Variants in ATXN8OS observed in about 807,000 individuals in gnomAD.
ATXN8OS encodes the protein ATXN8 opposite strand lncRNA, also known as ATXN8 opposite strand (non-protein coding).
intron 2 of ATXN8OS, among the ~76,000 whole-genome samples, chr13:70,116,013 G>C (rs1888272995): frequency 6.6e-6 from 1 of 152,052 alleles, no homozygotes; most frequent in Non-Finnish European, 1.5e-5. Flanking sequence ...AATCAAGAAA[G>C]AAATCTTCAC....
chr13:70,115,913 A>C (rs1052786564), intron 2 of ATXN8OS, among the ~76,000 whole-genome samples: 6 of 152,116 alleles, frequency 3.9e-5, no homozygotes, highest in African/African-American at 1.4e-4. Flanking sequence ...AAAATTAAGC[A>C]TATATTATGT....
At chr13:70,130,737 A>G (rs1051824274) in intron 3 of ATXN8OS, 1 of 398,492 alleles carries the variant, frequency 2.5e-6, no homozygotes. Context: ...ATAATCCAAG[A>G]CTATTTACGA....
At chr13:70,128,434 G>C (rs941971163) in intron 2 of ATXN8OS, among the ~76,000 whole-genome samples, 1 of 151,944 alleles carries the variant, frequency 6.6e-6, no homozygotes. Context: ...GAATCAAAAG[G>C]CTGAACCCGT....
rs17744936 is a variant in ATXN8OS, at chr13:70,121,215, A to T, written n.398+5917A>T. Among the ~76,000 whole-genome samples, 6 of 152,094 alleles carry T rather than the reference A, an allele frequency of 3.9e-5. No individual in the cohort carries two copies. In the South Asian group the frequency reaches 1.0e-3, roughly 26 times the overall value. On this transcript the variant is annotated intron_variant and non_coding_transcript_variant, in intron 2 of 4. Coordinates refer to ENST00000678624, the Ensembl canonical transcript of ATXN8OS. ...TGAAAAATACAAGGAAATGATCAAC[A>T]TAAGAGCAGGAAACCTCACAAATTA... is the stretch of plus-strand genomic sequence containing the variant.
chr13:70,121,426 G>A (rs1823019671), intron 2 of ATXN8OS, among the ~76,000 whole-genome samples: 1 of 152,066 alleles, frequency 6.6e-6, no homozygotes, highest in Admixed American at 6.6e-5. Flanking sequence ...GTCTTTCAAG[G>A]AGGGAAAGGG....
At chr13:70,122,954 C>T (rs985011854) in intron 2 of ATXN8OS, among the ~76,000 whole-genome samples, 1 of 151,956 alleles carries the variant, frequency 6.6e-6, no homozygotes, top group Non-Finnish European at 1.5e-5. Flanking sequence ...CTCTTAGAGA[C>T]TTTGTTTTCT....
intron 2 of ATXN8OS, among the ~76,000 whole-genome samples, chr13:70,117,124 C>T (rs950242524): frequency 2.3e-4 from 35 of 151,964 alleles, no homozygotes; most frequent in African/African-American, 6.5e-4. Context: ...ACCTAATTTA[C>T]GGCATAAGGA....
chr13:70,121,785 G>T (rs1458749699), intron 2 of ATXN8OS, among the ~76,000 whole-genome samples: 2 of 151,978 alleles, frequency 1.3e-5, no homozygotes, highest in Non-Finnish European at 2.9e-5. Context: ...GCGATCTTTA[G>T]AAGTGAGAGT....
chr13:70,152,447 A>G (rs1888882138), intron 4 of ATXN8OS, among the ~76,000 whole-genome samples: 2 of 151,766 alleles, frequency 1.3e-5, no homozygotes, highest in South Asian at 2.1e-4. Flanking sequence ...ATGTGTATGT[A>G]TGTGTATATG....
At chr13:70,149,077 T>C (rs1888827633) in intron 4 of ATXN8OS, among the ~76,000 whole-genome samples, 1 of 152,158 alleles carries the variant, frequency 6.6e-6, no homozygotes, top group South Asian at 2.1e-4. Flanking sequence ...GAATTAGAGA[T>C]AGTCTATTTA....
chr13:70,107,485 G>A (rs779782206), upstream of ATXN8OS: 1 of 1,613,486 alleles, frequency 6.2e-7, no homozygotes. Context: ...AGAGGAGGAA[G>A]GCTTCTTCCA....
chr13:70,152,148 G>C (rs2137499577), intron 4 of ATXN8OS, among the ~76,000 whole-genome samples: 1 of 151,814 alleles, frequency 6.6e-6, no homozygotes, highest in East Asian at 1.9e-4. Flanking sequence ...TTTTCCCTAA[G>C]TGCTTTCACT....
intron 3 of ATXN8OS, among the ~76,000 whole-genome samples, chr13:70,144,341 C>T (rs77439063): frequency 0.013 from 2,025 of 152,160 alleles, 27 homozygotes; most frequent in Non-Finnish European, 0.021. Context: ...ATTGTCATTA[C>T]TAATTTTTTG....
At chr13:70,144,006 T>C (rs1358743545) in intron 3 of ATXN8OS, among the ~76,000 whole-genome samples, 3 of 152,194 alleles carry the variant, frequency 2.0e-5, no homozygotes, top group South Asian at 2.1e-4. Flanking sequence ...TATACCTTTA[T>C]TGGTTTTTAT....
intron 4 of ATXN8OS, among the ~76,000 whole-genome samples, chr13:70,152,605 A>T (rs975933292): frequency 2.6e-4 from 39 of 151,992 alleles, no homozygotes; most frequent in African/African-American, 8.7e-4. Context: ...TGATGCCCCT[A>T]TGCCTAGTGT....
chr13:70,159,502 T>A (rs978392180), intron 4 of ATXN8OS, among the ~76,000 whole-genome samples: 6 of 152,144 alleles, frequency 3.9e-5, no homozygotes, highest in African/African-American at 1.4e-4. Flanking sequence ...CGAATTGAAT[T>A]TTTTTATTCC....
At chr13:70,142,766 T>G (rs991463923) in intron 3 of ATXN8OS, among the ~76,000 whole-genome samples, 1 of 152,152 alleles carries the variant, frequency 6.6e-6, no homozygotes, top group African/African-American at 2.4e-5. Flanking sequence ...GAATAGATAC[T>G]ACACTGCAAT....
intron 3 of ATXN8OS, among the ~76,000 whole-genome samples, chr13:70,143,861 C>A (rs549232377): frequency 6.6e-6 from 1 of 152,048 alleles, no homozygotes; most frequent in South Asian, 2.1e-4. Flanking sequence ...AGTGTGTTGA[C>A]ATGGAAATTA....
At chr13:70,156,312 C>T (rs965051881) in intron 4 of ATXN8OS, among the ~76,000 whole-genome samples, 12 of 151,482 alleles carry the variant, frequency 7.9e-5, no homozygotes, top group African/African-American at 2.9e-4. Flanking sequence ...TTATTCTGTT[C>T]TGTGTTTCAA....
Sources: allele counts gnomAD v4.1 joint callset (sites outside exome capture counted in the v4.1 genomes callset), GRCh38; gene constraint gnomAD v4.1.1; transcripts MANE v1.5; gene names NCBI Gene and HGNC (gene_info 2026-07-23, HGNC 2026-07-21).